Variants in CAB39 observed in about 807,000 individuals in gnomAD.
The protein encoded by CAB39 is calcium binding protein 39.
CAB39 carries 8 observed loss-of-function variants against 40.0 expected under a neutral mutation model. The observed-to-expected ratio is 0.20, with a 90% CI of 0.12 to 0.36. The LOEUF (loss-of-function observed/expected upper bound fraction) is 0.36, where lower values mean the gene tolerates loss of function less well. Ranked by LOEUF, CAB39 falls within the 10% of genes least tolerant of loss-of-function variation. The pLI, the probability that CAB39 is intolerant of heterozygous loss-of-function variation, is 1.00. For synonymous variants in CAB39, 156 were observed against 141.6 expected, an observed-to-expected ratio of 1.10 and a Z score of -0.72; for missense variants, 270 against 401.1, an observed-to-expected ratio of 0.67 and a Z score of 2.79.
At chr2:230,782,367 G>A (rs1695701939) in intron 2 of CAB39, among the ~76,000 whole-genome samples, 1 of 152,016 alleles carries the variant, frequency 6.6e-6, no homozygotes, top group African/African-American at 2.4e-5. Context: ...AAATGTGGGA[G>A]GGGGGATGTC....
intron 2 of CAB39, among the ~76,000 whole-genome samples, chr2:230,782,859 C>T (rs527420771): frequency 2.3e-4 from 31 of 134,852 alleles, no homozygotes; most frequent in African/African-American, 8.3e-4. Flanking sequence ...CCCTCTCTGT[C>T]GCCCAGGCTG....
chr2:230,771,181 T>C (rs1695476681), intron 2 of CAB39, among the ~76,000 whole-genome samples: 1 of 152,188 alleles, frequency 6.6e-6, no homozygotes, highest in Non-Finnish European at 1.5e-5. Flanking sequence ...TAAATAAGTT[T>C]AGCGAGTCAC....
intron 1 of CAB39, among the ~76,000 whole-genome samples, chr2:230,714,978 C>T (rs1694323324): frequency 6.6e-6 from 1 of 152,156 alleles, no homozygotes; most frequent in African/African-American, 2.4e-5. Flanking sequence ...TCAAAGCTTC[C>T]AAAATTCAGG....
intron 1 of CAB39, among the ~76,000 whole-genome samples, chr2:230,717,481 G>A (rs10933355): frequency 0.15 from 22,375 of 152,154 alleles, 2,454 homozygotes; most frequent in African/African-American, 0.31. Context: ...CTTGCAGTGA[G>A]AAAGAGAGAC....
chr2:230,769,084 T>C (rs1695438767), intron 2 of CAB39, among the ~76,000 whole-genome samples: 1 of 152,052 alleles, frequency 6.6e-6, no homozygotes, highest in South Asian at 2.1e-4. Flanking sequence ...TTAACACTCA[T>C]AAAAAGAAAG....
Position 230,801,272 on chromosome 2 carries a change from C to T in CAB39, c.567+2375C>T, listed in dbSNP as rs139287902. 1.1e-3 allele frequency among the ~76,000 whole-genome samples: 162 copies of T among 152,292 alleles called. 1 individual carries two copies. The highest frequency in any genetic ancestry group is 1.8e-3 in the Non-Finnish European group (123 of 68,018). ...TAGCAGACAGGTGGAAGTCACCTTC[C>T]TACTCCTCCCTGAAAGAAACTCCAG... is the stretch of plus-strand genomic sequence containing the variant. On this transcript the variant is annotated intron_variant, in intron 5 of 8. Transcript: ENST00000258418.
rs536725510 is a variant in CAB39 at position 230,737,869 on chromosome 2, C to A, written c.-43-22090C>A. Among the ~76,000 whole-genome samples, 10 of 152,220 alleles carry A rather than the reference C, an allele frequency of 6.6e-5. No individual in the cohort carries two copies. The South Asian group carries it at 2.1e-3, about 32-fold the overall frequency. ...GACTATATTATGATGTCAACACTTA[C>A]CTGGAAAGCACCACTCCATAAAGTG... On this transcript the variant is annotated intron_variant, in intron 1 of 8. Transcript: ENST00000258418.
chr2:230,749,400 C>T (rs1695045862), intron 1 of CAB39, among the ~76,000 whole-genome samples: 1 of 151,778 alleles, frequency 6.6e-6, no homozygotes, highest in African/African-American at 2.4e-5. Flanking sequence ...AGGAAATGAT[C>T]ATGTATTGAT....
intron 8 of CAB39, chr2:230,818,233 T>C (rs1696437433): frequency 2.2e-6 from 1 of 450,560 alleles, no homozygotes; most frequent in Non-Finnish European, 3.9e-6. Flanking sequence ...TGAGAAATAA[T>C]TTCTGCCCAT....
intron 2 of CAB39, among the ~76,000 whole-genome samples, chr2:230,770,371 AAT>A (rs1162944686): frequency 6.6e-6 from 1 of 152,214 alleles, no homozygotes; most frequent in Admixed American, 6.5e-5. Context: ...GCTTAGATGA[AAT>A]GGACAAACTC....
intron 7 of CAB39, among the ~76,000 whole-genome samples, chr2:230,816,599 T>C (rs1313977668): frequency 6.6e-6 from 1 of 152,194 alleles, no homozygotes; most frequent in Non-Finnish European, 1.5e-5. Context: ...ATCTAGAACA[T>C]AGCCAGAAAC....
chr2:230,728,410 A>G (rs566614975), intron 1 of CAB39, among the ~76,000 whole-genome samples: 1 of 151,960 alleles, frequency 6.6e-6, no homozygotes, highest in African/African-American at 2.4e-5. Context: ...CCCAAGTTCA[A>G]GTGATTCTCC....
At chr2:230,761,006 G>A (rs953322000) in intron 2 of CAB39, among the ~76,000 whole-genome samples, 9 of 151,106 alleles carry the variant, frequency 6.0e-5, no homozygotes, top group Non-Finnish European at 1.3e-4. Context: ...AAATTGTAGA[G>A]GTTTAGTGTC....
At chr2:230,789,042 A>G (rs937964386) in intron 2 of CAB39, among the ~76,000 whole-genome samples, 2 of 152,202 alleles carry the variant, frequency 1.3e-5, no homozygotes, top group African/African-American at 4.8e-5. Context: ...GCTTAAAGTT[A>G]TCCCCTAGCT....
At chr2:230,717,874 T>C (rs1189191957) in intron 1 of CAB39, among the ~76,000 whole-genome samples, 2 of 152,326 alleles carry the variant, frequency 1.3e-5, no homozygotes, top group African/African-American at 2.4e-5. Context: ...CAGGATGGCA[T>C]GCAGAGAATT....
At chr2:230,775,227 TTTTTTTC>T (rs1045024434) in intron 2 of CAB39, among the ~76,000 whole-genome samples, 10 of 151,886 alleles carry the variant, frequency 6.6e-5, no homozygotes, top group Non-Finnish European at 8.8e-5. Context: ...AAGGCATTTC[TTTTTTTC>T]TTTTTTCTTT....
At chr2:230,764,351 T>C (rs941983410) in intron 2 of CAB39, among the ~76,000 whole-genome samples, 1 of 152,222 alleles carries the variant, frequency 6.6e-6, no homozygotes, top group African/African-American at 2.4e-5. Flanking sequence ...TGATAGGCTA[T>C]TGTGTTCCAA....
intron 1 of CAB39, among the ~76,000 whole-genome samples, chr2:230,744,567 C>T (rs1324947549): frequency 6.6e-6 from 1 of 152,272 alleles, no homozygotes; most frequent in Non-Finnish European, 1.5e-5. Flanking sequence ...GCTGGGATTA[C>T]AGGCGTGAGC....
chr2:230,811,163 T>G (rs1006963959), intron 6 of CAB39, among the ~76,000 whole-genome samples: 12 of 152,214 alleles, frequency 7.9e-5, no homozygotes, highest in African/African-American at 2.9e-4. Flanking sequence ...CTGCAAAATT[T>G]GGTTTAGATT....
Sources: allele counts gnomAD v4.1 joint callset (sites outside exome capture counted in the v4.1 genomes callset), GRCh38; gene constraint gnomAD v4.1.1; transcripts MANE v1.5; gene names NCBI Gene and HGNC (gene_info 2026-07-23, HGNC 2026-07-21).